SLC9A1: variants seen among roughly 807,000 people sequenced by gnomAD.
SLC9A1 encodes solute carrier family 9 member A1.
A neutral mutation model predicts 67.9 loss-of-function variants in SLC9A1; 22 were observed. The observed-to-expected ratio is 0.32, with a 90% CI of 0.23 to 0.46. SLC9A1 has a LOEUF of 0.46. SLC9A1 is among the 20% of genes least tolerant of loss of function. The pLI, the probability that SLC9A1 is intolerant of heterozygous loss-of-function variation, is 1.00. For synonymous variants in SLC9A1, 421 were observed against 471.8 expected (o/e 0.89, Z 1.40); for missense variants, 686 against 1,094.8 (o/e 0.63, Z 5.27).
intron 1 of SLC9A1, among the ~76,000 whole-genome samples, chr1:27,121,745 CCA>C (rs2083305948): frequency 6.6e-6 from 1 of 152,140 alleles, no homozygotes. Flanking sequence ...CTCCTTGACT[CCA>C]GTGACCAGAA....
At chr1:27,131,270 C>A (rs143869722) in intron 1 of SLC9A1, among the ~76,000 whole-genome samples, 36 of 152,100 alleles carry the variant, frequency 2.4e-4, no homozygotes, top group African/African-American at 8.0e-4. Context: ...CCCTGTCACG[C>A]AGCGTCCAGT....
In SLC9A1 at chr1:27,099,731, C is replaced by CA. The variant is rs1317979910; in HGVS notation, c.*575dup. The CA allele has an allele frequency of 6.6e-6, 1 of 152,666 alleles. No individual in the cohort carries two copies. The highest frequency in any genetic ancestry group is 1.9e-4 in the East Asian group (1 of 5,180). The allele number at this position is 152,666 out of a possible 1,614,324, so 9.5% of individuals were successfully genotyped here. ...CACCCCTGCTCCAGGCAGAGACACTCAGAGATGCCCTCAGCCCGCAGCTCT... is the reference window on the plus strand; with the variant it reads ...CACCCCTGCTCCAGGCAGAGACACTCAAGAGATGCCCTCAGCCCGCAGCTCT... On this transcript the variant is annotated 3_prime_UTR_variant, in exon 12 of 12. Transcript: ENST00000263980.
intron 1 of SLC9A1, among the ~76,000 whole-genome samples, chr1:27,140,839 G>C (rs2083449041): frequency 6.6e-6 from 1 of 152,120 alleles, no homozygotes; most frequent in African/African-American, 2.4e-5. Context: ...AGGAGAAATG[G>C]CACAGGACTT....
At chr1:27,148,544 T>C (rs1358108102) in intron 1 of SLC9A1, among the ~76,000 whole-genome samples, 1 of 152,110 alleles carries the variant, frequency 6.6e-6, no homozygotes, top group African/African-American at 2.4e-5. Flanking sequence ...CTTGAGTGAT[T>C]AGTCCCAGGC....
intron 1 of SLC9A1, among the ~76,000 whole-genome samples, chr1:27,145,787 T>C (rs917270089): frequency 6.6e-6 from 1 of 152,134 alleles, no homozygotes; most frequent in African/African-American, 2.4e-5. Flanking sequence ...GCAAGTAGTA[T>C]AAAAACTCAG....
intron 1 of SLC9A1, among the ~76,000 whole-genome samples, chr1:27,145,481 C>G (rs937358542): frequency 2.6e-5 from 4 of 152,258 alleles, no homozygotes; most frequent in African/African-American, 7.2e-5. Context: ...TCCAGCTTCA[C>G]TTGGCATACA....
chr1:27,102,722 C>T lies in SLC9A1; in HGVS notation c.1597G>A (p.Gly533Ser). ...TAGTGGCCACAGATGTCTTCGATGCCTGTCAGAAGGTGGTCCAGGAACTGA... is the reference window on the plus strand; with the variant it reads ...TAGTGGCCACAGATGTCTTCGATGCTTGTCAGAAGGTGGTCCAGGAACTGA... ...HTQFLDHLLT[G>S]IEDICGHYGH... The change falls in exon 7 of 12, where the codon GGC (glycine) becomes AGC (serine). Residue 533 changes from glycine (G) to serine (S), a missense_variant. Physicochemically the swap from Gly to Ser is moderately conservative, Grantham distance 56. Coordinates refer to ENST00000263980, the MANE Select transcript of SLC9A1 (RefSeq NM_003047.5). 6.2e-7 allele frequency: 1 copy of T among 1,613,814 alleles called. No homozygotes were observed. Among genetic ancestry groups the T allele is most frequent in the Non-Finnish European group, 8.5e-7 (1 of 1,179,948 alleles).
chr1:27,100,303 G>A lies in SLC9A1; in HGVS notation c.*4C>T. 6.6e-7 allele frequency: 1 copy of A among 1,520,486 alleles called. No individual in the cohort carries two copies. The highest frequency in any genetic ancestry group is 1.3e-5 in the South Asian group (1 of 75,990). 94.2% of individuals were successfully genotyped at this position (1,520,486 alleles called of 1,614,324 possible). A position where few individuals can be genotyped will look rare whatever the true frequency, so the allele number is the denominator to read the frequency against. On this transcript the variant is annotated 3_prime_UTR_variant, in exon 12 of 12. Coordinates refer to ENST00000263980, the MANE Select transcript of SLC9A1 (RefSeq NM_003047.5). This position sits in a 1 kb window ranked among gnomAD's most constrained non-coding sequence, Gnocchi z 5.6. Reference sequence around the variant, plus strand: ...GGGACAGGCGCTGCCTGCTGGCCCTGGTGTTACTGCCCCTTGGGGAAGAAC... The same window carrying A: ...GGGACAGGCGCTGCCTGCTGGCCCTAGTGTTACTGCCCCTTGGGGAAGAAC...
chr1:27,113,835 G>A lies in SLC9A1; in HGVS notation c.804C>T (p.Ala268=), dbSNP rs778499704. 11 of 1,611,294 alleles carry A rather than the reference G, an allele frequency of 6.8e-6. No individual in the cohort carries two copies. The highest frequency in any genetic ancestry group is 6.7e-5 in the Admixed American group (4 of 59,926). ...CCCCTGGCCTCCTCACCACAGTGAC[G>A]GCGTCATTGAGCAAGGACTCCCCAA... The part of the protein sequence containing the change: ...LVFGESLLND[A]VTVVLYHLFE... The change falls in exon 2 of 12, where the codon GCC becomes GCT. Residue 268 remains alanine (A), a synonymous_variant. Transcript: ENST00000263980.
intron 5 of SLC9A1, chr1:27,103,651 C>T (rs978628071): frequency 3.0e-6 from 1 of 334,856 alleles, no homozygotes; most frequent in Non-Finnish European, 5.8e-6. Flanking sequence ...GCCCCACACA[C>T]AGGGAAAACT....
rs980183302 is a variant in SLC9A1 at position 27,131,316 on chromosome 1, G to C, written c.353-17030C>G. Among the ~76,000 whole-genome samples the C allele has an allele frequency of 9.9e-5, 15 of 152,100 alleles. 1 individual carries two copies. The highest frequency in any genetic ancestry group is 6.8e-3 in the Middle Eastern group (2 of 294). ...ATGTTAATAATAATGATAGTGGCTGGGTGTGGTGGCTCACGCCTGTACTCT... is the reference window on the plus strand; with the variant it reads ...ATGTTAATAATAATGATAGTGGCTGCGTGTGGTGGCTCACGCCTGTACTCT... On this transcript the variant is annotated intron_variant, in intron 1 of 11. Coordinates refer to ENST00000263980, the MANE Select transcript of SLC9A1 (RefSeq NM_003047.5).
At chr1:27,153,918 G>A (rs1557440152) in intron 1 of SLC9A1, 65 bp downstream of exon 1, 1 of 1,079,352 alleles carries the variant, frequency 9.3e-7, no homozygotes, top group Admixed American at 2.2e-5. Context: ...CTCAAATGGT[G>A]CGAGATGAGG....
chr1:27,142,988 A>C (rs561021042), intron 1 of SLC9A1, among the ~76,000 whole-genome samples: 1 of 151,310 alleles, frequency 6.6e-6, no homozygotes, highest in East Asian at 1.9e-4. Context: ...CCACCACACA[A>C]AAGGCAGAAG....
rs1267338595 is a variant in SLC9A1, at chr1:27,107,691, G to A, written c.1239C>T (p.Phe413=). The stretch of plus-strand genomic sequence containing the variant: ...GGCAGAAGAGCAGGGTGCTGATGAC[G>A]AAGGTCCAGTTCCAGTGGTGGGAGC... ...VAGSHHWNWT[F]VISTLLFCLI... The change falls in exon 4 of 12, where the codon TTC becomes TTT. Residue 413 remains phenylalanine (F), a synonymous_variant. Coordinates refer to ENST00000263980, the MANE Select transcript of SLC9A1 (RefSeq NM_003047.5). The A allele has an allele frequency of 3.2e-5, 51 of 1,571,062 alleles. No individual in the cohort carries two copies. Among genetic ancestry groups the A allele is most frequent in the Non-Finnish European group, 4.1e-5 (47 of 1,158,344 alleles).
rs2083305925 is a variant in SLC9A1 at position 27,121,739 on chromosome 1, T to C, written c.353-7453A>G. ...CACCTGTCCCATCTACATCAACTCC[T>C]TGACTCCAGTGACCAGAAGTCCCCA... is the stretch of plus-strand genomic sequence containing the variant. On this transcript the variant is annotated intron_variant, in intron 1 of 11. Transcript: ENST00000263980. 2.6e-5 allele frequency among the ~76,000 whole-genome samples: 4 copies of C among 152,228 alleles called. No individual in the cohort carries two copies. In the South Asian group the frequency reaches 8.3e-4, roughly 32 times the overall value.
rs767732001 is a variant in SLC9A1 at position 27,105,871 on chromosome 1, C to T, written c.1485+14G>A. On this transcript the variant is annotated intron_variant, in intron 5 of 11. Transcript: ENST00000263980. ...GTCCCCAAGGCAAGGGCCTGCCCTG[C>T]CCTGGCCCAGCACCTGCACAAAGAC... 33 of 1,611,156 alleles carry T rather than the reference C, an allele frequency of 2.0e-5. No individual in the cohort carries two copies. Among genetic ancestry groups the T allele is most frequent in the Non-Finnish European group, 2.7e-5 (32 of 1,178,296 alleles).
Position 27,107,724 on chromosome 1 carries a change from C to T in SLC9A1, c.1206G>A (p.Thr402=), listed in dbSNP as rs368704142. 8.0e-5 allele frequency: 126 copies of T among 1,581,476 alleles called. No homozygotes were observed. In the South Asian group the frequency reaches 1.2e-3, roughly 15 times the overall value. Residue 402 remains threonine, a synonymous_variant, in exon 4 of 12, where the codon ACG becomes ACA. Coordinates refer to ENST00000263980, the MANE Select transcript of SLC9A1 (RefSeq NM_003047.5). ...AGTTCCAGTGGTGGGAGCCGGCCAC[C>T]GTGGAGACGCCGAGGAAGATGAAGA... is the stretch of plus-strand genomic sequence containing the variant. ...TLIFIFLGVS[T]VAGSHHWNWT...
chr1:27,141,285 G>T (rs114968802), intron 1 of SLC9A1, among the ~76,000 whole-genome samples: 122 of 152,342 alleles, frequency 8.0e-4, no homozygotes, highest in Middle Eastern at 3.4e-3. Context: ...GTAGAGCTGA[G>T]ATTTGAACCC....
At chr1:27,150,564 G>T (rs1329135070) in intron 1 of SLC9A1, among the ~76,000 whole-genome samples, 1 of 152,270 alleles carries the variant, frequency 6.6e-6, no homozygotes, top group African/African-American at 2.4e-5. Context: ...AACTCCTAAG[G>T]CTTGGAGTCA....
Sources: allele counts gnomAD v4.1 joint callset (sites outside exome capture counted in the v4.1 genomes callset), GRCh38; gene constraint gnomAD v4.1.1; non-coding constraint Gnocchi (gnomAD v3.1); transcripts MANE v1.5; gene names NCBI Gene and HGNC (gene_info 2026-07-23, HGNC 2026-07-21).